The following CALCR variants were observed in gnomAD, a reference collection of about 807,000 sequenced individuals.
CALCR encodes calcitonin receptor.
CALCR carries 47 observed loss-of-function variants against 59.5 expected under a neutral mutation model. That is an observed-to-expected ratio of 0.79 (90% CI 0.63 to 1.01). The LOEUF (loss-of-function observed/expected upper bound fraction) is 1.01, where lower values mean the gene tolerates loss of function less well. Ranked by LOEUF, CALCR falls within the 50% of genes least tolerant of loss-of-function variation. The pLI, the probability that CALCR is intolerant of heterozygous loss-of-function variation, is 0.00. For missense variants in CALCR, 566 were observed against 597.1 expected, an observed-to-expected ratio of 0.95 and a Z score of 0.54; for synonymous variants, 213 against 211.3, an observed-to-expected ratio of 1.01 and a Z score of -0.07.
chr7:93,476,381 G>A (rs1800666720), intron 5 of CALCR, among the ~76,000 whole-genome samples: 1 of 151,768 alleles, frequency 6.6e-6, no homozygotes, highest in South Asian at 2.1e-4. Context: ...TCATTAAGAT[G>A]TAAGCTTTAG....
Position 93,426,591 on chromosome 7 carries a change from T to G in CALCR, c.1192-2A>C, listed in dbSNP as rs1799536416. On this transcript the variant is annotated splice_acceptor_variant, in intron 13 of 13. Coordinates refer to ENST00000426151, the MANE Select transcript of CALCR (RefSeq NM_001742.4). LOFTEE classifies it high-confidence loss of function. Reference sequence around the variant, plus strand: ...TTGGCGCTTCACGGTGGTTTGGACCTGGAAGAGAAAAAGGAGCCTTGTTTT... The same window carrying G: ...TTGGCGCTTCACGGTGGTTTGGACCGGGAAGAGAAAAAGGAGCCTTGTTTT... The G allele has an allele frequency of 1.3e-6, 2 of 1,541,612 alleles. No homozygotes were observed. Among genetic ancestry groups the G allele is most frequent in the African/African-American group, 2.8e-5 (2 of 72,278 alleles).
At chr7:93,548,659 T>C (rs1203352028) in intron 2 of CALCR, among the ~76,000 whole-genome samples, 1 of 117,406 alleles carries the variant, frequency 8.5e-6, no homozygotes, top group East Asian at 2.3e-4. Flanking sequence ...CTAGTTAAAA[T>C]AAAGAAAAAC....
At chr7:93,554,600 G>A (rs766015539) in intron 2 of CALCR, among the ~76,000 whole-genome samples, 33 of 151,740 alleles carry the variant, frequency 2.2e-4, no homozygotes, top group Non-Finnish European at 4.9e-4. Flanking sequence ...TAGCAATACA[G>A]AGTCCAGCAA....
At chr7:93,460,696 C>T (rs1017434178) in intron 8 of CALCR, 125 bp downstream of exon 8, 74 of 559,012 alleles carry the variant, frequency 1.3e-4, no homozygotes, top group African/African-American at 1.2e-3. Flanking sequence ...CAAAACTCGA[C>T]GGTAGAAGTA....
intron 2 of CALCR, among the ~76,000 whole-genome samples, chr7:93,493,440 T>C (rs1801128267): frequency 6.6e-6 from 1 of 151,412 alleles, no homozygotes; most frequent in Non-Finnish European, 1.5e-5. Context: ...TCTCTAGGAC[T>C]CTCTGATTCC....
At chr7:93,438,914 AC>A (rs1466908885) in intron 9 of CALCR, among the ~76,000 whole-genome samples, 1 of 152,024 alleles carries the variant, frequency 6.6e-6, no homozygotes, top group African/African-American at 2.4e-5. Context: ...AAAAAAAAAA[AC>A]TTTTTAATTT....
chr7:93,478,560 T>C (rs1800720945), intron 4 of CALCR, among the ~76,000 whole-genome samples: 1 of 151,574 alleles, frequency 6.6e-6, no homozygotes, highest in African/African-American at 2.4e-5. Context: ...CATGGTGGCA[T>C]GCACCTGTAG....
chr7:93,536,034 T>C (rs1788975305), intron 2 of CALCR, among the ~76,000 whole-genome samples: 1 of 151,916 alleles, frequency 6.6e-6, no homozygotes, highest in Non-Finnish European at 1.5e-5. Flanking sequence ...TATCTGTATG[T>C]ATGTCTATAC....
chr7:93,426,630 G>T, intron 13 of CALCR, 41 bp from the exon 14 acceptor site: 1 of 1,025,480 alleles, frequency 9.8e-7, no homozygotes. Flanking sequence ...ATGATAGTCA[G>T]AAATGATCCA....
At chr7:93,460,597 A>ATATATATATATATATG (rs1800311473) in intron 8 of CALCR, among the ~76,000 whole-genome samples, 4 of 133,764 alleles carry the variant, frequency 3.0e-5, no homozygotes, top group African/African-American at 9.1e-5. Flanking sequence ...ATATATGTAT[A>ATATATATATATATATG]TATATATATA....
rs780796922 is a variant in CALCR, at chr7:93,436,122, T to G, written c.979A>C (p.Met327Leu). ...LNIVRVLVTK[M>L]RETHEAESHM... ...GATTCCGCCTCATGGGTTTCCCTCA[T>G]TTTGGTCACAAGCACCCGGACAATG... The change falls in exon 12 of 14, where the codon ATG (methionine) becomes CTG (leucine). Residue 327 changes from methionine (M) to leucine (L), a missense_variant. Met to Leu is a conservative substitution (Grantham distance 15). Coordinates refer to ENST00000426151, the MANE Select transcript of CALCR (RefSeq NM_001742.4). The G allele has an allele frequency of 8.7e-6, 14 of 1,614,044 alleles. No homozygotes were observed. Among genetic ancestry groups the G allele is most frequent in the Middle Eastern group, 3.3e-4 (2 of 6,084 alleles).
rs554505086 is a variant in CALCR, at chr7:93,494,470, C to T, written c.-26-7463G>A. Among the ~76,000 whole-genome samples the T allele has an allele frequency of 1.7e-4, 25 of 151,450 alleles. No homozygotes were observed. In the South Asian group the frequency reaches 2.3e-3, roughly 14 times the overall value. ...GAAAACAGATCTGAGAGTGAATATT[C>T]GGAAACAACAGAGGGGATTTAGATA... On this transcript the variant is annotated intron_variant, in intron 2 of 13. Transcript: ENST00000426151.
chr7:93,513,867 AATAT>A (rs1801600130), intron 2 of CALCR, among the ~76,000 whole-genome samples: 1 of 151,836 alleles, frequency 6.6e-6, no homozygotes, highest in Non-Finnish European at 1.5e-5. Context: ...TTTACAAATA[AATAT>A]ATAGATACTT....
chr7:93,574,127 A>G (rs1790064825), intron 2 of CALCR, among the ~76,000 whole-genome samples, 162 bp downstream of exon 2: 1 of 152,220 alleles, frequency 6.6e-6, no homozygotes, highest in South Asian at 2.1e-4. Context: ...AGGGTAAAGT[A>G]AAGCATCTAA....
chr7:93,454,119 G>A (rs536896021), intron 8 of CALCR, among the ~76,000 whole-genome samples: 11 of 151,848 alleles, frequency 7.2e-5, no homozygotes, highest in African/African-American at 2.4e-4. Context: ...CTGCTATCTC[G>A]GTTACCTCTG....
intron 2 of CALCR, among the ~76,000 whole-genome samples, chr7:93,508,242 A>G (rs979550255): frequency 6.6e-6 from 1 of 152,204 alleles, no homozygotes; most frequent in African/African-American, 2.4e-5. Flanking sequence ...TTACCAAACA[A>G]AAACAAAAAC....
At chr7:93,437,963 T>C (rs900191691) in intron 11 of CALCR, 97 bp downstream of exon 11, 18 of 1,082,762 alleles carry the variant, frequency 1.7e-5, no homozygotes, top group Non-Finnish European at 2.2e-5. Flanking sequence ...TAGCTTCATT[T>C]TGAAGTTATA....
intron 5 of CALCR, among the ~76,000 whole-genome samples, chr7:93,476,471 A>G (rs1800669006): frequency 6.6e-6 from 1 of 151,846 alleles, no homozygotes; most frequent in South Asian, 2.1e-4. Flanking sequence ...GTATATGTTT[A>G]TAATTTAAGT....
At chr7:93,509,865 G>C (rs7788672) in intron 2 of CALCR, among the ~76,000 whole-genome samples, 59,520 of 151,922 alleles carry the variant, frequency 0.39, 12,545 homozygotes, top group South Asian at 0.48. Context: ...ATCCCAAAAA[G>C]TGGATATTTA....
Sources: gnomAD v4.1 joint callset for allele counts (sites outside exome capture counted in the v4.1 genomes callset) on GRCh38, gnomAD v4.1.1 for gene constraint, MANE v1.5 for transcripts, NCBI Gene and HGNC (gene_info 2026-07-23, HGNC 2026-07-21) for gene names.